The following NRG1 variants were observed in gnomAD, a reference collection of about 807,000 sequenced individuals.
NRG1 encodes the protein pro-neuregulin-1, membrane-bound isoform.
Under a neutral mutation model 63.8 loss-of-function variants are expected in NRG1, and 18 were observed. The ratio of observed to expected loss-of-function variants is 0.28; its 90% CI spans 0.19 to 0.42. The LOEUF (loss-of-function observed/expected upper bound fraction) is 0.42. NRG1 is among the 10% of genes least tolerant of loss of function. The probability of loss-of-function intolerance (pLI) is 1.00; values close to 1 mark genes in which losing one functional copy is unlikely to be tolerated. For synonymous variants in NRG1, 302 were observed against 301.3 expected, an observed-to-expected ratio of 1.00 and a Z score of -0.02; for missense variants, 762 against 814.7, an observed-to-expected ratio of 0.94 and a Z score of 0.79.
At chr8:32,450,067 T>C (rs530851345) in intron 1 of NRG1, among the ~76,000 whole-genome samples, 12 of 152,286 alleles carry the variant, frequency 7.9e-5, no homozygotes, top group Non-Finnish European at 1.5e-4. Context: ...ATAGGAAACC[T>C]GGCAACCCGG....
At chr8:31,781,283 G>T (rs1819657362) in intron 1 of NRG1, among the ~76,000 whole-genome samples, 1 of 152,272 alleles carries the variant, frequency 6.6e-6, no homozygotes. Context: ...ATAATGGAGA[G>T]ATTAGCATGG....
At position 32,503,779 on chromosome 8, in the gene NRG1, G is replaced by A. The variant is rs538333255; in HGVS notation, c.38-92049G>A. Among the ~76,000 whole-genome samples the A allele has an allele frequency of 2.6e-5, 4 of 152,254 alleles. No individual in the cohort carries two copies. The East Asian group carries it at 7.7e-4, about 29-fold the overall frequency. On this transcript the variant is annotated intron_variant, in intron 1 of 10. Coordinates refer to the NRG1 transcript ENST00000519301. ...ACGGACATACGCAGAGTGAGAGACC[G>A]AGGCAAGTTTTAGAGCAGGAATGAA... is the stretch of plus-strand genomic sequence containing the variant.
At chr8:32,758,890 T>A (rs1189795346) in intron 9 of NRG1, among the ~76,000 whole-genome samples, 2 of 152,124 alleles carry the variant, frequency 1.3e-5, no homozygotes, top group Non-Finnish European at 2.9e-5. Flanking sequence ...ACTATACAAA[T>A]CACCTGTCTG....
chr8:32,296,209 CTA>C (rs751969380), intron 1 of NRG1, among the ~76,000 whole-genome samples: 1 of 152,058 alleles, frequency 6.6e-6, no homozygotes, highest in Non-Finnish European at 1.5e-5. Context: ...CCATATCTAT[CTA>C]TATGCCAGTG....
chr8:32,771,274 CG>C (rs1831766771), downstream of NRG1, among the ~76,000 whole-genome samples: 1 of 120,938 alleles, frequency 8.3e-6, no homozygotes, highest in Non-Finnish European at 1.7e-5. Context: ...CCATGCCCAG[CG>C]ATTTTTTTTT....
At chr8:32,099,474 T>C (rs1363017393) in intron 1 of NRG1, 1 of 152,182 alleles carries the variant, frequency 6.6e-6, no homozygotes, top group Non-Finnish European at 1.5e-5. Flanking sequence ...AATGTGCAGG[T>C]CTAGCAAAGA....
At chr8:32,415,498 AT>A (rs765428760) in intron 1 of NRG1, among the ~76,000 whole-genome samples, 1 of 149,892 alleles carries the variant, frequency 6.7e-6, no homozygotes, top group African/African-American at 2.4e-5. Context: ...TTCTTCAGTG[AT>A]TTTTTTTCCT....
intron 1 of NRG1, among the ~76,000 whole-genome samples, chr8:31,902,369 T>C (rs1275150067): frequency 6.6e-6 from 1 of 152,226 alleles, no homozygotes; most frequent in Non-Finnish European, 1.5e-5. Flanking sequence ...GTTGGATTTA[T>C]TAATCACCTG....
At chr8:32,678,723 C>T (rs770109569) in intron 5 of NRG1, among the ~76,000 whole-genome samples, 1 of 152,080 alleles carries the variant, frequency 6.6e-6, no homozygotes, top group Non-Finnish European at 1.5e-5. Context: ...TACCACTTCA[C>T]CGGTAAGGAC....
intron 1 of NRG1, among the ~76,000 whole-genome samples, chr8:32,464,923 C>T (rs561772315): frequency 6.6e-6 from 1 of 152,100 alleles, no homozygotes; most frequent in Non-Finnish European, 1.5e-5. Flanking sequence ...ATCTGTAATC[C>T]CGGCACTTTG....
At chr8:31,841,295 T>C (rs562208028) in intron 1 of NRG1, among the ~76,000 whole-genome samples, 11 of 152,178 alleles carry the variant, frequency 7.2e-5, no homozygotes, top group Admixed American at 1.3e-4. Flanking sequence ...CCATGGTACT[T>C]GTAGGGAACT....
chr8:31,801,474 T>C (rs1035404041), intron 1 of NRG1, among the ~76,000 whole-genome samples: 7 of 152,222 alleles, frequency 4.6e-5, no homozygotes, highest in African/African-American at 1.7e-4. Context: ...TTTGTCGCTG[T>C]AACATAATCC....
At chr8:32,263,879 C>T (rs1563247467) in intron 1 of NRG1, among the ~76,000 whole-genome samples, 1 of 152,142 alleles carries the variant, frequency 6.6e-6, no homozygotes, top group Admixed American at 6.6e-5. Context: ...CCCTAATGTT[C>T]TGAGGCTGTG....
chr8:32,530,382 C>T (rs147212309), intron 1 of NRG1, among the ~76,000 whole-genome samples: 3,226 of 152,286 alleles, frequency 0.021, 38 homozygotes, highest in Middle Eastern at 0.048. Context: ...GCTGGGATTA[C>T]AGGCGTGAGC....
At chr8:32,547,486 T>C (rs1345546775), upstream of NRG1, among the ~76,000 whole-genome samples, 1 of 152,144 alleles carries the variant, frequency 6.6e-6, no homozygotes, top group Non-Finnish European at 1.5e-5. Context: ...TCAGTTCCTC[T>C]GAAAATTAAG....
chr8:31,885,129 G>A (rs997848960), intron 1 of NRG1, among the ~76,000 whole-genome samples: 1 of 152,116 alleles, frequency 6.6e-6, no homozygotes, highest in African/African-American at 2.4e-5. Flanking sequence ...CTCATGAAGT[G>A]CAGTATGATT....
chr8:31,654,269 T>C (rs4446692), intron 1 of NRG1, among the ~76,000 whole-genome samples: 146,132 of 152,284 alleles, frequency 0.96, 70,375 homozygotes, highest in East Asian at 1. Flanking sequence ...GCTGAGTATA[T>C]GGTTGTGCTC....
intron 1 of NRG1, among the ~76,000 whole-genome samples, chr8:31,687,120 T>A (rs1563292591): frequency 6.6e-6 from 1 of 152,156 alleles, no homozygotes; most frequent in Non-Finnish European, 1.5e-5. Context: ...TGGTACCTTG[T>A]TGTTAGAAGA....
At chr8:31,658,296 G>A (rs1371663663) in intron 1 of NRG1, among the ~76,000 whole-genome samples, 1 of 152,144 alleles carries the variant, frequency 6.6e-6, no homozygotes, top group African/African-American at 2.4e-5. Flanking sequence ...TAAGGGTCAG[G>A]CATTGGCTTC....
Sources: allele counts gnomAD v4.1 joint callset (sites outside exome capture counted in the v4.1 genomes callset), GRCh38; gene constraint gnomAD v4.1.1; transcripts MANE v1.5; gene names NCBI Gene and HGNC (gene_info 2026-07-23, HGNC 2026-07-21).